The following CD27 variants were observed in gnomAD, a reference collection of about 807,000 sequenced individuals.
CD27 encodes the protein CD27 antigen.
Under a neutral mutation model 25.9 loss-of-function variants are expected in CD27, and 16 were observed. That is an observed-to-expected ratio of 0.62 (90% CI 0.42 to 0.94). The LOEUF is 0.94. Ranked by LOEUF, CD27 falls within the 40% of genes least tolerant of loss-of-function variation. The probability of loss-of-function intolerance (pLI) is 0.00; values close to 1 mark genes in which losing one functional copy is unlikely to be tolerated. For missense variants in CD27, 300 were observed against 333.2 expected (o/e 0.90, Z 0.78); for synonymous variants, 142 against 124.3 (o/e 1.14, Z -0.95).
chr12:6,446,397 G>A (rs939255237), intron 2 of CD27, among the ~76,000 whole-genome samples: 1 of 152,162 alleles, frequency 6.6e-6, no homozygotes, highest in African/African-American at 2.4e-5. Flanking sequence ...GAACTCCTGG[G>A]CTCAAGCAAT....
rs756140861 is a variant in CD27 at position 6,451,388 on chromosome 12, C to T, written c.779C>T (p.Pro260Leu). The change falls in exon 6 of 6, where the codon CCC (proline) becomes CTC (leucine). Residue 260 changes from proline (P) to leucine (L), a missense_variant. Pro to Leu is a moderately conservative substitution (Grantham distance 98). Transcript: ENST00000266557. ...CGAAAACCGGAGCCTGCCTGCTCCC[C>T]CTGAGCCAGCACCTGCGGGAGCTGC... ...DYRKPEPACS[P>L] 10 of 1,612,734 alleles carry T rather than the reference C, an allele frequency of 6.2e-6. No homozygotes were observed. In the East Asian group the frequency reaches 8.9e-5, roughly 14 times the overall value.
Position 6,451,469 on chromosome 12 carries a change from C to T in CD27, c.*77C>T, listed in dbSNP as rs1437928708. On this transcript the variant is annotated 3_prime_UTR_variant, in exon 6 of 6. Coordinates refer to ENST00000266557, the MANE Select transcript of CD27 (RefSeq NM_001242.5). ...CCGACCATCCAAGGGAGAGTGAGAC[C>T]TGGCAGCCACAACTGCAGTCCCATC... 3 of 1,480,696 alleles carry T rather than the reference C, an allele frequency of 2.0e-6. No individual in the cohort carries two copies. Among genetic ancestry groups the T allele is most frequent in the Non-Finnish European group, 2.7e-6 (3 of 1,091,062 alleles). 91.7% of individuals were successfully genotyped at this position (1,480,696 alleles called of 1,614,324 possible). A position where few individuals can be genotyped will look rare whatever the true frequency, so the allele number is the denominator to read the frequency against.
In CD27 at chr12:6,445,680, C is replaced by G; in HGVS notation, c.268+125C>G. 15 of 1,260,668 alleles carry G rather than the reference C, an allele frequency of 1.2e-5. No individual in the cohort carries two copies. Among genetic ancestry groups the G allele is most frequent in the Non-Finnish European group, 1.6e-5 (15 of 929,418 alleles). The allele number at this position is 1,260,668 out of a possible 1,614,324, so 78.1% of individuals were successfully genotyped here. On this transcript the variant is annotated intron_variant, in intron 2 of 5. Coordinates refer to ENST00000266557, the MANE Select transcript of CD27 (RefSeq NM_001242.5). The surrounding 1 kb of genome is among the most constrained non-coding windows in gnomAD (Gnocchi z 4.5). ...AAGCTTTGGCCTTCTTCAAGGCTCA[C>G]AGCAAGTGGAGCCAATGCTGGGAAA... is the stretch of plus-strand genomic sequence containing the variant.
upstream of CD27, among the ~76,000 whole-genome samples, chr12:6,444,667 G>A (rs1256473058): frequency 7.7e-6 from 1 of 130,346 alleles, no homozygotes; most frequent in Non-Finnish European, 1.6e-5. Context: ...GGGTGGGTGG[G>A]GGGGGGTAAC....
intron 2 of CD27, chr12:6,447,673 G>T (rs976095345): frequency 8.5e-5 from 13 of 152,116 alleles, no homozygotes; most frequent in African/African-American, 3.1e-4. Context: ...TAGGGTACAT[G>T]TACACAATGT....
At chr12:6,444,106 T>C (rs749968039), upstream of CD27, among the ~76,000 whole-genome samples, 10 of 152,122 alleles carry the variant, frequency 6.6e-5, no homozygotes, top group Non-Finnish European at 1.5e-4. Flanking sequence ...CACCAGTGAC[T>C]GACACAGCCA....
In CD27 at chr12:6,445,454, A is replaced by T. The variant is rs200745064; in HGVS notation, c.167A>T (p.His56Leu). 1 of 1,614,174 alleles carries T rather than the reference A, an allele frequency of 6.2e-7. No homozygotes were observed. Among genetic ancestry groups the T allele is most frequent in the East Asian group, 2.2e-5 (1 of 44,886 alleles). The change falls in exon 2 of 6, where the codon CAT becomes CTT. Residue 56 changes from histidine (H) to leucine (L), a missense_variant. Transcript: ENST00000266557. This position sits in a 1 kb window ranked among gnomAD's most constrained non-coding sequence, Gnocchi z 4.5. ...GTFLVKDCDQ[H>L]RKAAQCDPCI... is the part of the protein sequence containing the mutation. ...TTCCTCGTGAAGGACTGTGACCAGC[A>T]TAGAAAGGCTGCTCAGTGTGATCCT...
At chr12:6,449,663 A>G (rs1368634713) in intron 2 of CD27, among the ~76,000 whole-genome samples, 1 of 152,148 alleles carries the variant, frequency 6.6e-6, no homozygotes, top group Non-Finnish European at 1.5e-5. Context: ...AGCCTGGCCA[A>G]TACAGTAAAA....
intron 2 of CD27, chr12:6,448,212 CTT>C (rs1392763325): frequency 6.6e-6 from 1 of 152,294 alleles, no homozygotes; most frequent in Non-Finnish European, 1.5e-5. Context: ...GACATTCTCT[CTT>C]TGACATCCTC....
rs2136960103 is a variant in CD27, at chr12:6,445,070, A to G, written c.-26A>G. ...GAGGCCAGCATCAGCAACTGGGCACAGAAAGGAGCCGCCTGGGCAGGGACC... is the reference window on the plus strand; with the variant it reads ...GAGGCCAGCATCAGCAACTGGGCACGGAAAGGAGCCGCCTGGGCAGGGACC... On this transcript the variant is annotated 5_prime_UTR_variant, in exon 1 of 6. Transcript: ENST00000266557. This position sits in a 1 kb window ranked among gnomAD's most constrained non-coding sequence, Gnocchi z 4.5. The G allele has an allele frequency of 6.3e-7, 1 of 1,587,288 alleles. No individual in the cohort carries two copies. The highest frequency in any genetic ancestry group is 1.1e-5 in the South Asian group (1 of 88,020).
At chr12:6,446,339 T>A (rs989675606) in intron 2 of CD27, among the ~76,000 whole-genome samples, 4 of 152,334 alleles carry the variant, frequency 2.6e-5, no homozygotes, top group East Asian at 1.9e-4. Flanking sequence ...TCTAGCTCTG[T>A]CACCCAGGCT....
In CD27 at chr12:6,450,720, G is replaced by C; in HGVS notation, c.538+90G>C. ...CAGACAGAAAGCTCCTAGGATTAGGGATAAGAGGAGGGGAAAAAGCAGAGT... is the reference window on the plus strand; with the variant it reads ...CAGACAGAAAGCTCCTAGGATTAGGCATAAGAGGAGGGGAAAAAGCAGAGT... On this transcript the variant is annotated intron_variant, in intron 4 of 5. Coordinates refer to ENST00000266557, the MANE Select transcript of CD27 (RefSeq NM_001242.5). This position sits in a 1 kb window ranked among gnomAD's most constrained non-coding sequence, Gnocchi z 4.1. 3 of 1,429,312 alleles carry C rather than the reference G, an allele frequency of 2.1e-6. No homozygotes were observed. The highest frequency in any genetic ancestry group is 2.3e-5 in the South Asian group (2 of 85,650). 88.5% of individuals were successfully genotyped at this position (1,429,312 alleles called of 1,614,324 possible). A position where few individuals can be genotyped will look rare whatever the true frequency, so the allele number is the denominator to read the frequency against.
In CD27 at chr12:6,450,306, G is replaced by A; in HGVS notation, c.402G>A (p.Gln134=). 1 of 1,613,554 alleles carries A rather than the reference G, an allele frequency of 6.2e-7. No individual in the cohort carries two copies. Among genetic ancestry groups the A allele is most frequent in the Non-Finnish European group, 8.5e-7 (1 of 1,180,026 alleles). Residue 134 remains glutamine, a synonymous_variant, in exon 3 of 6, where the codon CAG becomes CAA. Coordinates refer to ENST00000266557, the MANE Select transcript of CD27 (RefSeq NM_001242.5). The surrounding 1 kb of genome is among the most constrained non-coding windows in gnomAD (Gnocchi z 4.1). The stretch of plus-strand genomic sequence containing the variant: ...CTTCGCTGACCGCTCGGTCGTCTCA[G>A]GCCCTGAGCCCACACCCTCAGCCCA... ...PNPSLTARSS[Q]ALSPHPQPTH...
At chr12:6,449,677 C>T (rs541829339) in intron 2 of CD27, among the ~76,000 whole-genome samples, 2 of 152,028 alleles carry the variant, frequency 1.3e-5, no homozygotes, top group South Asian at 2.1e-4. Context: ...AGTAAAACCC[C>T]GTCTCTACTA....
upstream of CD27, among the ~76,000 whole-genome samples, chr12:6,444,631 A>G (rs1160929468): frequency 9.1e-6 from 1 of 110,236 alleles, no homozygotes; most frequent in Non-Finnish European, 1.7e-5. Flanking sequence ...GAGTCCTGCG[A>G]ATTCGTCTGT....
Position 6,445,429 on chromosome 12 carries a change from T to A in CD27, c.142T>A (p.Phe48Ile). The A allele has an allele frequency of 6.2e-7, 1 of 1,614,176 alleles. No individual in the cohort carries two copies. The highest frequency in any genetic ancestry group is 8.5e-7 in the Non-Finnish European group (1 of 1,180,012). ...LCCQMCEPGT[F>I]LVKDCDQHRK... ...CCCTTACCCTCTCCTCCCAGGAACA[T>A]TCCTCGTGAAGGACTGTGACCAGCA... Residue 48 changes from phenylalanine (F) to isoleucine (I), a missense_variant, in exon 2 of 6, where the codon TTC becomes ATC. Phe to Ile is a conservative substitution (Grantham distance 21). Transcript: ENST00000266557. The surrounding 1 kb of genome is among the most constrained non-coding windows in gnomAD (Gnocchi z 4.5).
At position 6,450,209 on chromosome 12, in the gene CD27, C is replaced by T. The variant is rs758640583; in HGVS notation, c.305C>T (p.Ala102Val). ...CGCAACTGCACCATCACTGCCAATG[C>T]TGAGTGTGCCTGTCGCAATGGCTGG... Reference protein sequence around the residue: ...LVRNCTITANAECACRNGWQC... With the variant: ...LVRNCTITANVECACRNGWQC... The change falls in exon 3 of 6, where the codon GCT becomes GTT. Residue 102 changes from alanine to valine, a missense_variant. Transcript: ENST00000266557. This position sits in a 1 kb window ranked among gnomAD's most constrained non-coding sequence, Gnocchi z 4.1. The T allele has an allele frequency of 2.5e-6, 4 of 1,613,586 alleles. No homozygotes were observed. Among genetic ancestry groups the T allele is most frequent in the African/African-American group, 2.7e-5 (2 of 75,038 alleles).
At chr12:6,451,042 C>A in intron 5 of CD27, 28 bp downstream of exon 5, 2 of 1,613,504 alleles carry the variant, frequency 1.2e-6, no homozygotes, top group South Asian at 1.1e-5. Flanking sequence ...GGCCTCCGGT[C>A]CTGCCCCTGC....
chr12:6,446,515 T>C (rs994911997), intron 2 of CD27, among the ~76,000 whole-genome samples: 5 of 152,216 alleles, frequency 3.3e-5, no homozygotes, highest in African/African-American at 1.2e-4. Flanking sequence ...GGCTCATGCC[T>C]ATAATCCCAG....
Sources: gnomAD v4.1 joint callset for allele counts (sites outside exome capture counted in the v4.1 genomes callset) on GRCh38, gnomAD v4.1.1 for gene constraint, Gnocchi (gnomAD v3.1) non-coding constraint, MANE v1.5 for transcripts, NCBI Gene and HGNC (gene_info 2026-07-23, HGNC 2026-07-21) for gene names.